RASEF: variants seen among roughly 807,000 people sequenced by gnomAD.
RASEF encodes RAS and EF-hand domain containing.
Under a neutral mutation model 90.1 loss-of-function variants are expected in RASEF, and 68 were observed. The observed-to-expected ratio is 0.75, with a 90% CI of 0.62 to 0.92. The LOEUF (loss-of-function observed/expected upper bound fraction) is 0.92. Among genes scored for constraint, RASEF ranks in the 40% least tolerant of loss-of-function variants. RASEF has a pLI of 0.00. For missense variants in RASEF, 949 were observed against 937.2 expected (o/e 1.01, Z -0.16); for synonymous variants, 331 against 345.2 (o/e 0.96, Z 0.46).
At position 82,980,519 on chromosome 9, in the gene RASEF, C is replaced by A. The variant is rs922123698; in HGVS notation, c.*2158G>T. The A allele has an allele frequency of 1.3e-5, 2 of 152,146 alleles. No individual in the cohort carries two copies. Among genetic ancestry groups the A allele is most frequent in the African/African-American group, 2.4e-5 (1 of 41,422 alleles). The allele number at this position is 152,146 out of a possible 1,614,324, so 9.4% of individuals were successfully genotyped here. Reference sequence around the variant, plus strand: ...TGACAGGACAATCCAGAGGTAAAGACTATGAAAATACTTCTGTATTATGGT... The same window carrying A: ...TGACAGGACAATCCAGAGGTAAAGAATATGAAAATACTTCTGTATTATGGT... On this transcript the variant is annotated 3_prime_UTR_variant, in exon 17 of 17. Coordinates refer to ENST00000376447, the MANE Select transcript of RASEF (RefSeq NM_152573.4).
At chr9:83,211,621 C>A in the RASEF span, among the ~76,000 whole-genome samples, 1 of 152,152 alleles carries the variant, frequency 6.6e-6, no homozygotes, top group Admixed American at 6.5e-5. Context: ...AGTCTGAAGA[C>A]CATATGGTTT....
the RASEF span, among the ~76,000 whole-genome samples, chr9:83,187,690 C>T: frequency 6.6e-6 from 1 of 152,172 alleles, no homozygotes; most frequent in African/African-American, 2.4e-5. Context: ...CCAGCTGATA[C>T]AATGGCCCTG....
At chr9:83,136,129 T>C in the RASEF span, among the ~76,000 whole-genome samples, 1 of 152,038 alleles carries the variant, frequency 6.6e-6, no homozygotes, top group African/African-American at 2.4e-5. Flanking sequence ...AGTAAGACCA[T>C]AAGTCTACCA....
chr9:83,086,716 G>A, the RASEF span, among the ~76,000 whole-genome samples: 9 of 152,150 alleles, frequency 5.9e-5, no homozygotes, highest in African/African-American at 2.2e-4. Context: ...GGAGAACTCA[G>A]TTCCTCAACA....
Position 83,034,266 on chromosome 9 carries a change from G to A in RASEF, c.432-8345C>T, listed in dbSNP as rs559223566. Among the ~76,000 whole-genome samples, 50 of 152,286 alleles carry A rather than the reference G, an allele frequency of 3.3e-4. No individual in the cohort carries two copies. The South Asian group carries it at 5.0e-3, about 15-fold the overall frequency. The stretch of plus-strand genomic sequence containing the variant: ...CAATGGTCTCCTCAACTTGGCCACA[G>A]CAACCAGCAGACTTGGAAAGACAAC... On this transcript the variant is annotated intron_variant, in intron 1 of 16. Transcript: ENST00000376447.
chr9:83,007,301 C>A lies in RASEF; in HGVS notation c.1028+136G>T, dbSNP rs909963388. The A allele has an allele frequency of 1.1e-5, 8 of 706,054 alleles. No homozygotes were observed. The African/African-American group carries it at 1.2e-4, about 11-fold the overall frequency. The allele number at this position is 706,054 out of a possible 1,614,324, so 43.7% of individuals were successfully genotyped here. A position where few individuals can be genotyped will look rare whatever the true frequency, so the allele number is the denominator to read the frequency against. On this transcript the variant is annotated intron_variant, in intron 7 of 16. Transcript: ENST00000376447. ...GCTAAGAGGAGATGCCAAGTGCACA[C>A]CCTGAGAAGAAACACCCACTGACCT...
chr9:83,088,825 G>T, the RASEF span, among the ~76,000 whole-genome samples: 6 of 151,960 alleles, frequency 3.9e-5, no homozygotes, highest in Admixed American at 1.3e-4. Flanking sequence ...AATCACAAGT[G>T]AATCTCTTAT....
intron 1 of RASEF, among the ~76,000 whole-genome samples, chr9:83,037,781 C>A (rs1470779644): frequency 7.9e-6 from 1 of 125,870 alleles, no homozygotes; most frequent in Non-Finnish European, 1.7e-5. Flanking sequence ...GTCTTCTAAG[C>A]TTTCATTACA....
At chr9:83,105,337 A>T in the RASEF span, among the ~76,000 whole-genome samples, 3 of 152,214 alleles carry the variant, frequency 2.0e-5, no homozygotes, top group Non-Finnish European at 2.9e-5. Context: ...ATAACGAATG[A>T]ATAAATAAAA....
intron 1 of RASEF, among the ~76,000 whole-genome samples, chr9:83,040,449 T>C (rs942973339): frequency 2.0e-5 from 3 of 152,176 alleles, no homozygotes; most frequent in African/African-American, 4.8e-5. Flanking sequence ...AAAGACAACA[T>C]ATTGCATACA....
the RASEF span, among the ~76,000 whole-genome samples, chr9:83,202,483 A>AT: frequency 2.5e-4 from 37 of 150,018 alleles, no homozygotes; most frequent in South Asian, 4.2e-4. Flanking sequence ...AGAAAGCAGT[A>AT]TTTTTTTTTT....
the RASEF span, among the ~76,000 whole-genome samples, chr9:83,139,158 A>AACAG: frequency 1.3e-5 from 2 of 152,200 alleles, no homozygotes; most frequent in Admixed American, 1.3e-4. Flanking sequence ...GGAGCTTGTT[A>AACAG]GACAAGCAGG....
the RASEF span, among the ~76,000 whole-genome samples, chr9:83,127,943 T>C: frequency 6.6e-6 from 1 of 152,156 alleles, no homozygotes; most frequent in Non-Finnish European, 1.5e-5. Context: ...TATTTGTTCC[T>C]ATTCTTTGAT....
chr9:83,188,263 A>T, the RASEF span, among the ~76,000 whole-genome samples: 1 of 152,232 alleles, frequency 6.6e-6, no homozygotes, highest in Non-Finnish European at 1.5e-5. Context: ...AACTAATATA[A>T]TAATGGCCAG....
intron 5 of RASEF, among the ~76,000 whole-genome samples, chr9:83,011,341 C>T (rs1177852151): frequency 6.6e-6 from 1 of 151,942 alleles, no homozygotes; most frequent in Non-Finnish European, 1.5e-5. Flanking sequence ...ATCATGAGGT[C>T]AAGAGATTGA....
chr9:83,192,209 A>G, the RASEF span, among the ~76,000 whole-genome samples: 1 of 152,206 alleles, frequency 6.6e-6, no homozygotes, highest in African/African-American at 2.4e-5. Context: ...CACTGGGCAT[A>G]TACCCAAAGG....
chr9:83,015,697 T>C, intron 4 of RASEF, 108 bp downstream of exon 4: 2 of 823,776 alleles, frequency 2.4e-6, no homozygotes, highest in Non-Finnish European at 4.2e-6. Flanking sequence ...ATCTGAAATC[T>C]GATCTATCCG....
intron 3 of RASEF, among the ~76,000 whole-genome samples, chr9:83,018,153 A>C (rs976435133): frequency 6.6e-6 from 1 of 152,232 alleles, no homozygotes; most frequent in Non-Finnish European, 1.5e-5. Context: ...CAAGAAAAAT[A>C]AAAAGCTTCA....
chr9:83,111,553 A>G, the RASEF span, among the ~76,000 whole-genome samples: 1 of 152,164 alleles, frequency 6.6e-6, no homozygotes, highest in Admixed American at 6.5e-5. Flanking sequence ...TATGAGCTTG[A>G]TTGTGGTAAT....
Sources: allele counts gnomAD v4.1 joint callset (sites outside exome capture counted in the v4.1 genomes callset), GRCh38; gene constraint gnomAD v4.1.1; transcripts MANE v1.5; gene names NCBI Gene and HGNC (gene_info 2026-07-23, HGNC 2026-07-21).